Variants in MVB12B observed in about 807,000 individuals in gnomAD.
MVB12B encodes multivesicular body subunit 12B.
MVB12B carries 16 observed loss-of-function variants against 41.6 expected under a neutral mutation model. The ratio of observed to expected loss-of-function variants is 0.38; its 90% CI spans 0.26 to 0.58. The LOEUF is 0.58. Among genes scored for constraint, MVB12B ranks in the 20% least tolerant of loss-of-function variants. The probability of loss-of-function intolerance (pLI) is 0.62; values close to 1 mark genes in which losing one functional copy is unlikely to be tolerated. For missense variants in MVB12B, 274 were observed against 380.2 expected (o/e 0.72, Z 2.32); for synonymous variants, 133 against 139.7 (o/e 0.95, Z 0.34).
intron 7 of MVB12B, among the ~76,000 whole-genome samples, chr9:126,462,922 A>T (rs1467271574): frequency 6.6e-6 from 1 of 152,178 alleles, no homozygotes; most frequent in East Asian, 1.9e-4. Context: ...TTAATATTAG[A>T]TCTGAAATCT....
chr9:126,417,131 G>A (rs951389265), intron 6 of MVB12B, among the ~76,000 whole-genome samples: 5 of 152,210 alleles, frequency 3.3e-5, no homozygotes, highest in East Asian at 1.9e-4. Flanking sequence ...GCCATGTAGG[G>A]AGGAGCCCTT....
In MVB12B at chr9:126,436,420, C is replaced by T. The variant is rs1270269898; in HGVS notation, c.757+14472C>T. Among the ~76,000 whole-genome samples the T allele has an allele frequency of 3.3e-5, 5 of 152,206 alleles. No individual in the cohort carries two copies. The highest frequency in any genetic ancestry group is 2.1e-4 in the South Asian group (1 of 4,836). On this transcript the variant is annotated intron_variant, in intron 7 of 9. Coordinates refer to ENST00000361171, the MANE Select transcript of MVB12B (RefSeq NM_033446.3). The surrounding 1 kb of genome is among the most constrained non-coding windows in gnomAD (Gnocchi z 4.1). ...CTAAAAACAGATTAATTGTAGCCCT[C>T]GCAGTGGGTGGAGTTTCAAAGTCAA...
chr9:126,343,777 C>T (rs1228723043), intron 2 of MVB12B, among the ~76,000 whole-genome samples: 4 of 152,082 alleles, frequency 2.6e-5, no homozygotes, highest in African/African-American at 9.7e-5. Context: ...ATTAGCTGGG[C>T]GTGGTGGTGC....
chr9:126,456,592 A>G (rs1832990105), intron 7 of MVB12B, among the ~76,000 whole-genome samples: 1 of 152,114 alleles, frequency 6.6e-6, no homozygotes, highest in Non-Finnish European at 1.5e-5. Context: ...CAGCTCAGAT[A>G]CTCGGAATAT....
chr9:126,403,032 T>C (rs966560434), intron 6 of MVB12B, among the ~76,000 whole-genome samples: 1 of 152,164 alleles, frequency 6.6e-6, no homozygotes, highest in African/African-American at 2.4e-5. Context: ...CAAAGATGGA[T>C]CTGGGGTGGG....
At chr9:126,335,694 C>A (rs769822360) in intron 1 of MVB12B, among the ~76,000 whole-genome samples, 12 of 152,240 alleles carry the variant, frequency 7.9e-5, no homozygotes, top group Non-Finnish European at 1.5e-4. Context: ...CAGCAGCTAC[C>A]TGCTCTTGTG....
intron 9 of MVB12B, among the ~76,000 whole-genome samples, chr9:126,498,623 T>C (rs1311811118): frequency 6.6e-6 from 1 of 152,154 alleles, no homozygotes; most frequent in Non-Finnish European, 1.5e-5. Flanking sequence ...GCCCAGCGCC[T>C]GCCCCCTGCG....
rs915676328 is a variant in MVB12B, at chr9:126,392,410, C to G, written c.539+215C>G. On this transcript the variant is annotated intron_variant, in intron 5 of 9. Transcript: ENST00000361171. The surrounding 1 kb of genome is among the most constrained non-coding windows in gnomAD (Gnocchi z 4.8). Reference sequence around the variant, plus strand: ...GACTCCACCTTAGGGCCTTTCCTCCCCTGCCCTTCTGCGCATTCAGCCTTG... The same window carrying G: ...GACTCCACCTTAGGGCCTTTCCTCCGCTGCCCTTCTGCGCATTCAGCCTTG... Among the ~76,000 whole-genome samples, 2 of 152,220 alleles carry G rather than the reference C, an allele frequency of 1.3e-5. No homozygotes were observed. The highest frequency in any genetic ancestry group is 4.8e-5 in the African/African-American group (2 of 41,454).
At chr9:126,410,021 A>G (rs1831584358) in intron 6 of MVB12B, among the ~76,000 whole-genome samples, 2 of 152,216 alleles carry the variant, frequency 1.3e-5, no homozygotes, top group Non-Finnish European at 1.5e-5. Flanking sequence ...GATTTGCCAT[A>G]TGCCGTCAAG....
chr9:126,365,633 A>G (rs1001836466), intron 2 of MVB12B, among the ~76,000 whole-genome samples: 5 of 152,108 alleles, frequency 3.3e-5, no homozygotes, highest in Non-Finnish European at 1.5e-5. Context: ...GAAACACTGC[A>G]CCCGGCCTCC....
chr9:126,337,678 T>G (rs1264128688), intron 1 of MVB12B, among the ~76,000 whole-genome samples: 1 of 152,136 alleles, frequency 6.6e-6, no homozygotes, highest in Non-Finnish European at 1.5e-5. Flanking sequence ...TGAGAAAGCT[T>G]CTGGAGAGCT....
intron 7 of MVB12B, among the ~76,000 whole-genome samples, chr9:126,430,570 T>C: frequency 7.0e-6 from 1 of 142,064 alleles, no homozygotes; most frequent in East Asian, 2.1e-4. Context: ...GAATGGAGGC[T>C]CCCCTCTTTT....
chr9:126,340,447 A>C lies in MVB12B; in HGVS notation c.82-61A>C. On this transcript the variant is annotated intron_variant, in intron 1 of 9. Transcript: ENST00000361171. This position sits in a 1 kb window ranked among gnomAD's most constrained non-coding sequence, Gnocchi z 4.0. ...AGATTCTGGTTCTGTTTGAGACTTT[A>C]TATTATTCACATAAATGCTATGTTT... is the stretch of plus-strand genomic sequence containing the variant. 1 of 1,595,882 alleles carries C rather than the reference A, an allele frequency of 6.3e-7. No individual in the cohort carries two copies. Among genetic ancestry groups the C allele is most frequent in the South Asian group, 1.1e-5 (1 of 89,912 alleles).
At position 126,392,326 on chromosome 9, in the gene MVB12B, T is replaced by G. The variant is rs1830981706; in HGVS notation, c.539+131T>G. ...CAGCCATGGGCCTCTGTCAGCCCAG[T>G]GCTCCTCGCTGCCCTTCCTGCTCAG... is the stretch of plus-strand genomic sequence containing the variant. On this transcript the variant is annotated intron_variant, in intron 5 of 9. Coordinates refer to ENST00000361171, the MANE Select transcript of MVB12B (RefSeq NM_033446.3). This position sits in a 1 kb window ranked among gnomAD's most constrained non-coding sequence, Gnocchi z 4.8. 12 of 1,038,990 alleles carry G rather than the reference T, an allele frequency of 1.2e-5. No individual in the cohort carries two copies. The highest frequency in any genetic ancestry group is 1.7e-5 in the Non-Finnish European group (12 of 706,614). 64.4% of individuals were successfully genotyped at this position (1,038,990 alleles called of 1,614,324 possible). A position where few individuals can be genotyped will look rare whatever the true frequency, so the allele number is the denominator to read the frequency against.
chr9:126,500,270 A>G (rs1017901153), intron 9 of MVB12B, among the ~76,000 whole-genome samples: 3 of 152,190 alleles, frequency 2.0e-5, no homozygotes, highest in African/African-American at 7.2e-5. Flanking sequence ...CCCTGCAGGA[A>G]CCTGGCTCTG....
intron 6 of MVB12B, chr9:126,396,704 T>A: frequency 1.0e-6 from 1 of 985,394 alleles, no homozygotes; most frequent in Non-Finnish European, 1.2e-6. Context: ...CATCCCCCTA[T>A]AAAGACAATC....
intron 2 of MVB12B, among the ~76,000 whole-genome samples, chr9:126,368,161 A>G (rs534248185): frequency 1.3e-5 from 2 of 152,314 alleles, no homozygotes; most frequent in Admixed American, 1.3e-4. Flanking sequence ...TGTAACTACA[A>G]CTGTATGAGC....
At chr9:126,401,765 G>A (rs1386652675) in intron 6 of MVB12B, among the ~76,000 whole-genome samples, 10 of 152,192 alleles carry the variant, frequency 6.6e-5, no homozygotes, top group East Asian at 1.9e-4. Flanking sequence ...CTCCAACCCC[G>A]CCTTCCCTCT....
intron 8 of MVB12B, among the ~76,000 whole-genome samples, chr9:126,482,737 C>T (rs1441086911): frequency 1.3e-5 from 2 of 152,224 alleles, no homozygotes; most frequent in African/African-American, 4.8e-5. Context: ...CAGCCGCGAG[C>T]GGAACGTGTG....
Sources: gnomAD v4.1 joint callset for allele counts (sites outside exome capture counted in the v4.1 genomes callset) on GRCh38, gnomAD v4.1.1 for gene constraint, Gnocchi (gnomAD v3.1) non-coding constraint, MANE v1.5 for transcripts, NCBI Gene and HGNC (gene_info 2026-07-23, HGNC 2026-07-21) for gene names.